SLIT1: variants seen among roughly 807,000 people sequenced by gnomAD.
SLIT1 encodes slit homolog 1 protein.
In SLIT1, 66 loss-of-function variants were observed where a neutral mutation model predicts 186.1. The observed-to-expected ratio is 0.35, with a 90% CI of 0.29 to 0.44. The LOEUF (loss-of-function observed/expected upper bound fraction) is 0.44, where lower values mean the gene tolerates loss of function less well. SLIT1 is among the 20% of genes least tolerant of loss of function. SLIT1 has a pLI of 1.00. For synonymous variants in SLIT1, 761 were observed against 833.8 expected (o/e 0.91, Z 1.50); for missense variants, 1,638 against 2,037.4 (o/e 0.80, Z 3.77).
chr10:97,045,305 A>C (rs1310701632), intron 18 of SLIT1, among the ~76,000 whole-genome samples: 4 of 152,238 alleles, frequency 2.6e-5, no homozygotes, highest in Admixed American at 2.6e-4. Context: ...TTAGGAATTA[A>C]ATGTGGAATG....
intron 4 of SLIT1, among the ~76,000 whole-genome samples, chr10:97,110,546 A>G (rs1465231540): frequency 6.6e-6 from 1 of 152,272 alleles, no homozygotes; most frequent in African/African-American, 2.4e-5. Flanking sequence ...AAAAAAATAA[A>G]AAATAAAACC....
intron 4 of SLIT1, among the ~76,000 whole-genome samples, chr10:97,089,777 T>C (rs1849210782): frequency 6.6e-6 from 1 of 152,106 alleles, no homozygotes; most frequent in Non-Finnish European, 1.5e-5. Context: ...ATGGCTCATG[T>C]TCTGTCTCGT....
intron 4 of SLIT1, among the ~76,000 whole-genome samples, chr10:97,117,495 ACTATTCAAGGTTATAAAT>A (rs1241561382): frequency 1.3e-5 from 2 of 152,206 alleles, no homozygotes; most frequent in African/African-American, 4.8e-5. Context: ...AAGGAATATG[ACTATTCAAGGTTATAAAT>A]CCACAAGGGT....
In SLIT1 at chr10:96,999,860, A is replaced by C. The variant is rs1848286391; in HGVS notation, c.*1252T>G. The C allele has an allele frequency of 1.3e-5, 2 of 152,276 alleles. No individual in the cohort carries two copies. Among genetic ancestry groups the C allele is most frequent in the African/African-American group, 2.4e-5 (1 of 41,456 alleles). 9.4% of individuals were successfully genotyped at this position (152,276 alleles called of 1,614,324 possible). On this transcript the variant is annotated 3_prime_UTR_variant, in exon 37 of 37. Coordinates refer to ENST00000266058, the MANE Select transcript of SLIT1 (RefSeq NM_003061.3). ...CTCTGGGATGAGTTCACATCTGTCC[A>C]TTAGGCCAGAACGTCCACAATCCCC...
At chr10:97,025,236 C>T (rs1394179958) in intron 25 of SLIT1, among the ~76,000 whole-genome samples, 3 of 152,200 alleles carry the variant, frequency 2.0e-5, no homozygotes, top group African/African-American at 7.2e-5. Context: ...GATCGGACCA[C>T]TGAACTCCAG....
Position 97,068,875 on chromosome 10 carries a change from T to C in SLIT1, c.414-2789A>G, listed in dbSNP as rs1214918135. Among the ~76,000 whole-genome samples, 1 of 152,230 alleles carries C rather than the reference T, an allele frequency of 6.6e-6. No individual in the cohort carries two copies. Among genetic ancestry groups the C allele is most frequent in the African/African-American group, 2.4e-5 (1 of 41,466 alleles). On this transcript the variant is annotated intron_variant, in intron 4 of 36. Transcript: ENST00000266058. This position sits in a 1 kb window ranked among gnomAD's most constrained non-coding sequence, Gnocchi z 4.2. Reference sequence around the variant, plus strand: ...GCCTACTCCCCGATGCCTGTCTTTATGCAGCAACTCCCCCAGCCCCATATG... The same window carrying C: ...GCCTACTCCCCGATGCCTGTCTTTACGCAGCAACTCCCCCAGCCCCATATG...
rs201493185 is a variant in SLIT1, at chr10:97,043,337, C to G, written c.1997+33G>C. On this transcript the variant is annotated intron_variant, in intron 19 of 36. Coordinates refer to ENST00000266058, the MANE Select transcript of SLIT1 (RefSeq NM_003061.3). The surrounding 1 kb of genome is among the most constrained non-coding windows in gnomAD (Gnocchi z 7.0). ...GACGGTTGGGACGGTTGCTCCAGAG[C>G]CCCCGCCCGCCTGTCCTGGAGGCCG... The G allele has an allele frequency of 6.2e-7, 1 of 1,611,430 alleles. No homozygotes were observed. Among genetic ancestry groups the G allele is most frequent in the Non-Finnish European group, 8.5e-7 (1 of 1,179,112 alleles).
chr10:97,048,081 TGAA>T, intron 14 of SLIT1, 85 bp from the exon 15 acceptor site: 3 of 1,467,382 alleles, frequency 2.0e-6, no homozygotes, highest in Non-Finnish European at 2.9e-6. Context: ...ACTGCTCAGC[TGAA>T]GGCACCCCAG....
intron 1 of SLIT1, among the ~76,000 whole-genome samples, chr10:97,180,708 C>G (rs1338079617): frequency 6.6e-6 from 1 of 152,194 alleles, no homozygotes; most frequent in African/African-American, 2.4e-5. Flanking sequence ...CTCCACATCC[C>G]AAGGGAAAGG....
chr10:97,138,031 T>C (rs1015713676), intron 4 of SLIT1, among the ~76,000 whole-genome samples: 1 of 152,194 alleles, frequency 6.6e-6, no homozygotes, highest in African/African-American at 2.4e-5. Flanking sequence ...TGATTCCCGA[T>C]TAAGATTACA....
At chr10:97,152,907 G>A (rs1281184733) in intron 4 of SLIT1, 1 of 152,168 alleles carries the variant, frequency 6.6e-6, no homozygotes, top group Non-Finnish European at 1.5e-5. Context: ...CATTTTTGAT[G>A]ATGGTATAAA....
Position 97,010,411 on chromosome 10 carries a change from AAG to A in SLIT1, c.3341+580_3341+581del, listed in dbSNP as rs1444759443. Among the ~76,000 whole-genome samples, 3 of 152,222 alleles carry A rather than the reference AAG, an allele frequency of 2.0e-5. No individual in the cohort carries two copies. The highest frequency in any genetic ancestry group is 6.5e-5 in the Admixed American group (1 of 15,284). On this transcript the variant is annotated intron_variant, in intron 31 of 36. Transcript: ENST00000266058. The surrounding 1 kb of genome is among the most constrained non-coding windows in gnomAD (Gnocchi z 4.8). ...TAGTAGTTGCCTGGAGCTGGGATAG[AAG>A]AGGGGCTGGTGTGACAGATAAAGGG...
intron 1 of SLIT1, among the ~76,000 whole-genome samples, chr10:97,173,955 G>T (rs1461761736): frequency 6.6e-6 from 1 of 152,184 alleles, no homozygotes; most frequent in African/African-American, 2.4e-5. Flanking sequence ...CCCCTCAGCA[G>T]CAGGGCTTCC....
At position 97,004,519 on chromosome 10, in the gene SLIT1, G is replaced by A. The variant is rs562424395; in HGVS notation, c.3710+174C>T. Among the ~76,000 whole-genome samples the A allele has an allele frequency of 6.6e-6, 1 of 152,110 alleles. No individual in the cohort carries two copies. Among genetic ancestry groups the A allele is most frequent in the Non-Finnish European group, 1.5e-5 (1 of 68,002 alleles). Reference sequence around the variant, plus strand: ...GGGGAAGGATGGGGCCACTGCACAGGCCTCAGAGACCTCAGCCCCAAGCTG... The same window carrying A: ...GGGGAAGGATGGGGCCACTGCACAGACCTCAGAGACCTCAGCCCCAAGCTG... On this transcript the variant is annotated intron_variant, in intron 33 of 36. Transcript: ENST00000266058. The surrounding 1 kb of genome is among the most constrained non-coding windows in gnomAD (Gnocchi z 5.1).
chr10:97,011,198 A>C, intron 30 of SLIT1, 68 bp from the exon 31 acceptor site: 8 of 1,098,200 alleles, frequency 7.3e-6, no homozygotes, highest in Non-Finnish European at 9.7e-6. Flanking sequence ...AGGGGAGCGC[A>C]CCAGGGATCC....
rs761475701 is a variant in SLIT1 at position 97,047,840 on chromosome 10, A to G, written c.1490-6T>C. The G allele has an allele frequency of 3.1e-6, 5 of 1,613,780 alleles. No individual in the cohort carries two copies. Among genetic ancestry groups the G allele is most frequent in the Non-Finnish European group, 4.2e-6 (5 of 1,179,756 alleles). On this transcript the variant is annotated splice_polypyrimidine_tract_variant and splice_region_variant and intron_variant, in intron 15 of 36. Transcript: ENST00000266058. ...CAGCTGGTAATCCTCCGTGCCTGCC[A>G]TGAGAGGGTGGGGGCAGAGGCTGAG...
chr10:97,046,299 C>T (rs1383769586), intron 18 of SLIT1, among the ~76,000 whole-genome samples: 1 of 152,168 alleles, frequency 6.6e-6, no homozygotes, highest in Non-Finnish European at 1.5e-5. Context: ...ATCACCTTGG[C>T]AAGGTCATCC....
At chr10:97,034,913 C>T (rs1273425883) in intron 22 of SLIT1, among the ~76,000 whole-genome samples, 2 of 152,174 alleles carry the variant, frequency 1.3e-5, no homozygotes, top group African/African-American at 2.4e-5. Flanking sequence ...TAGGTGGGCT[C>T]GTTCAGAAGC....
At chr10:97,119,943 A>ATATATATATATATG (rs1298104412) in intron 4 of SLIT1, among the ~76,000 whole-genome samples, 1 of 135,420 alleles carries the variant, frequency 7.4e-6, no homozygotes, top group African/African-American at 2.7e-5. Flanking sequence ...ATATATATAT[A>ATATATATATATATG]TATGTATATG....
Sources: gnomAD v4.1 joint callset for allele counts (sites outside exome capture counted in the v4.1 genomes callset) on GRCh38, gnomAD v4.1.1 for gene constraint, Gnocchi (gnomAD v3.1) non-coding constraint, MANE v1.5 for transcripts, NCBI Gene and HGNC (gene_info 2026-07-23, HGNC 2026-07-21) for gene names.